The following ATP9B variants were observed in gnomAD, a reference collection of about 807,000 sequenced individuals.
The protein encoded by ATP9B is ATPase phospholipid transporting 9B.
Under a neutral mutation model 146.1 loss-of-function variants are expected in ATP9B, and 110 were observed. That is an observed-to-expected ratio of 0.75 (90% CI 0.65 to 0.88). The LOEUF is 0.88. Ranked by LOEUF, ATP9B falls within the 40% of genes least tolerant of loss-of-function variation. ATP9B has a pLI of 0.00. For missense variants in ATP9B, 1,499 were observed against 1,496.4 expected (o/e 1.00, Z -0.03); for synonymous variants, 604 against 569.7 (o/e 1.06, Z -0.86).
chr18:79,230,624 T>C (rs926548303), intron 11 of ATP9B, among the ~76,000 whole-genome samples: 15 of 152,010 alleles, frequency 9.9e-5, no homozygotes, highest in Non-Finnish European at 1.2e-4. Flanking sequence ...GTAGAATCAA[T>C]ATTATTAAAA....
chr18:79,202,881 A>T (rs2095501275), intron 9 of ATP9B, among the ~76,000 whole-genome samples: 1 of 152,256 alleles, frequency 6.6e-6, no homozygotes, highest in African/African-American at 2.4e-5. Flanking sequence ...AAATGAAATT[A>T]TATAGAACCT....
chr18:79,302,214 C>T (rs865907053), intron 13 of ATP9B, among the ~76,000 whole-genome samples: 6 of 152,178 alleles, frequency 3.9e-5, no homozygotes, highest in African/African-American at 4.8e-5. Context: ...AGATTTATAA[C>T]GTCAGCAGTA....
In ATP9B at chr18:79,208,458, G is replaced by A. The variant is rs1178361244; in HGVS notation, c.1030+1446G>A. On this transcript the variant is annotated intron_variant, in intron 10 of 29. Transcript: ENST00000426216. ...GCCAGTGTGCTAGGCCCATGGAGAA[G>A]GCAGGTGTCACACAACAGGGCAGCT... Among the ~76,000 whole-genome samples, 5 of 152,146 alleles carry A rather than the reference G, an allele frequency of 3.3e-5. No homozygotes were observed. In the East Asian group the frequency reaches 9.6e-4, roughly 29 times the overall value.
chr18:79,368,515 C>G (rs995507038), intron 26 of ATP9B, among the ~76,000 whole-genome samples: 3 of 152,186 alleles, frequency 2.0e-5, no homozygotes, highest in Non-Finnish European at 4.4e-5. Flanking sequence ...GCAAGTCCAC[C>G]TTTAGGTGCA....
At chr18:79,258,388 C>A (rs2096105790) in intron 12 of ATP9B, among the ~76,000 whole-genome samples, 1 of 152,148 alleles carries the variant, frequency 6.6e-6, no homozygotes, top group South Asian at 2.1e-4. Flanking sequence ...CAAGATCACA[C>A]CACTGCACTC....
intron 13 of ATP9B, among the ~76,000 whole-genome samples, chr18:79,291,565 G>A (rs758528890): frequency 2.6e-5 from 4 of 152,176 alleles, no homozygotes; most frequent in Non-Finnish European, 2.9e-5. Flanking sequence ...AAGAAAGTAC[G>A]TGTGCCACTC....
chr18:79,084,149 G>A (rs576790726), intron 1 of ATP9B, among the ~76,000 whole-genome samples: 3 of 149,144 alleles, frequency 2.0e-5, no homozygotes, highest in East Asian at 1.9e-4. Context: ...GAGCCACTGC[G>A]CCTGGCTCAG....
At chr18:79,357,991 G>A (rs2096964406) in intron 25 of ATP9B, among the ~76,000 whole-genome samples, 1 of 83,480 alleles carries the variant, frequency 1.2e-5, no homozygotes. Flanking sequence ...GAGGGACCCT[G>A]TGTGAGGGAT....
chr18:79,160,530 A>T (rs2094862076), intron 7 of ATP9B, among the ~76,000 whole-genome samples: 1 of 152,254 alleles, frequency 6.6e-6, no homozygotes, highest in Non-Finnish European at 1.5e-5. Context: ...TGATAGAAAT[A>T]TGTGGAAGAT....
intron 5 of ATP9B, among the ~76,000 whole-genome samples, chr18:79,132,492 T>A (rs2094392770): frequency 6.6e-6 from 1 of 152,204 alleles, no homozygotes; most frequent in Admixed American, 6.5e-5. Flanking sequence ...GAGCTGGTGC[T>A]TGAACCTAGA....
intron 8 of ATP9B, among the ~76,000 whole-genome samples, chr18:79,178,803 A>T (rs1004471765): frequency 2.0e-5 from 3 of 152,202 alleles, no homozygotes; most frequent in African/African-American, 7.2e-5. Context: ...GCTGATGTTC[A>T]TGAAACATAT....
intron 7 of ATP9B, among the ~76,000 whole-genome samples, chr18:79,171,484 A>G (rs960347612): frequency 2.0e-5 from 3 of 152,212 alleles, no homozygotes; most frequent in Non-Finnish European, 2.9e-5. Flanking sequence ...TTTTAAAAAT[A>G]CATTTTATAT....
In ATP9B at chr18:79,126,357, A is replaced by G. The variant is rs1243376595; in HGVS notation, c.649A>G (p.Ser217Gly). 5.0e-6 allele frequency: 8 copies of G among 1,610,868 alleles called. No individual in the cohort carries two copies. The South Asian group carries it at 8.8e-5, about 18-fold the overall frequency. ...RDKEVNSQLY[S>G]KLTVRGKVQV... The stretch of plus-strand genomic sequence containing the variant: ...CAAGGAAGTGAATTCACAACTATAT[A>G]GCAAGCTTACAGTAAGAGGTCAGCA... Residue 217 changes from serine (S) to glycine (G), a missense_variant, in exon 5 of 30, where the codon AGC (serine) becomes GGC (glycine). Physicochemically the swap from Ser to Gly is moderately conservative, Grantham distance 56. Transcript: ENST00000426216.
At chr18:79,073,150 A>C (rs4392134) in intron 1 of ATP9B, among the ~76,000 whole-genome samples, 58,262 of 147,870 alleles carry the variant, frequency 0.39, 11,657 homozygotes, top group East Asian at 0.53. Flanking sequence ...CCAGACTGGG[A>C]GGCCGGGCAG....
intron 3 of ATP9B, among the ~76,000 whole-genome samples, chr18:79,111,669 A>G: frequency 6.6e-6 from 1 of 152,208 alleles, no homozygotes; most frequent in East Asian, 1.9e-4. Context: ...TTCAGTCAGT[A>G]GACTGTAGAG....
chr18:79,101,405 A>G (rs1377017140), intron 2 of ATP9B, among the ~76,000 whole-genome samples: 7 of 152,206 alleles, frequency 4.6e-5, no homozygotes, highest in Non-Finnish European at 1.0e-4. Context: ...TTCATTCAAC[A>G]TAATGCTGTG....
At position 79,342,367 on chromosome 18, in the gene ATP9B, G is replaced by A; in HGVS notation, c.2382+1G>A. 1 of 1,601,976 alleles carries A rather than the reference G, an allele frequency of 6.2e-7. No individual in the cohort carries two copies. The highest frequency in any genetic ancestry group is 8.5e-7 in the Non-Finnish European group (1 of 1,169,624). Reference sequence around the variant, plus strand: ...ACAAGATATTCATATTTTCAGACAGGTAAGTATGTATCTTAATCACTTTGA... The same window carrying A: ...ACAAGATATTCATATTTTCAGACAGATAAGTATGTATCTTAATCACTTTGA... On this transcript the variant is annotated splice_donor_variant, in intron 20 of 29. Coordinates refer to ENST00000426216, the MANE Select transcript of ATP9B (RefSeq NM_198531.5). LOFTEE classifies it high-confidence loss of function.
At chr18:79,122,877 T>C (rs2094213151) in intron 4 of ATP9B, among the ~76,000 whole-genome samples, 1 of 152,206 alleles carries the variant, frequency 6.6e-6, no homozygotes, top group South Asian at 2.1e-4. Flanking sequence ...TTGAAGAAAC[T>C]GGCCATCATT....
chr18:79,168,014 C>G (rs1310716609), intron 7 of ATP9B, among the ~76,000 whole-genome samples: 1 of 152,222 alleles, frequency 6.6e-6, no homozygotes, highest in Admixed American at 6.5e-5. Flanking sequence ...CAGCACTGCC[C>G]TGAGCACATG....
Sources: allele counts gnomAD v4.1 joint callset (sites outside exome capture counted in the v4.1 genomes callset), GRCh38; gene constraint gnomAD v4.1.1; transcripts MANE v1.5; gene names NCBI Gene and HGNC (gene_info 2026-07-23, HGNC 2026-07-21).